PLA2G4D: variants seen among roughly 807,000 people sequenced by gnomAD.
PLA2G4D encodes the protein cytosolic phospholipase A2 delta.
In PLA2G4D, 80 loss-of-function variants were observed where a neutral mutation model predicts 94.4. That is an observed-to-expected ratio of 0.85 (90% CI 0.71 to 1.02). PLA2G4D has a LOEUF of 1.02. Among genes scored for constraint, PLA2G4D ranks in the 50% least tolerant of loss-of-function variants. The probability of loss-of-function intolerance (pLI) is 0.00; values close to 1 mark genes in which losing one functional copy is unlikely to be tolerated. For synonymous variants in PLA2G4D, 438 were observed against 440.9 expected (o/e 0.99, Z 0.08); for missense variants, 1,050 against 1,034.7 (o/e 1.01, Z -0.20).
chr15:42,086,489 T>C (rs1890152485), intron 3 of PLA2G4D, 145 bp from the exon 4 acceptor site: 19 of 755,458 alleles, frequency 2.5e-5, no homozygotes, highest in Non-Finnish European at 2.9e-5. Flanking sequence ...AAAAAAACTG[T>C]AAAACTTAAA....
At position 42,084,493 on chromosome 15, in the gene PLA2G4D, C is replaced by T. The variant is rs1308894692; in HGVS notation, c.471+603G>A. ...GGTGCCTTCGCCCGTGACCCTGGAC[C>T]CGCCTGCTCCCAGGTCTGTGCTGCT... On this transcript the variant is annotated intron_variant, in intron 6 of 19. Transcript: ENST00000290472. The surrounding 1 kb of genome is among the most constrained non-coding windows in gnomAD (Gnocchi z 4.8). 1.3e-5 allele frequency among the ~76,000 whole-genome samples: 2 copies of T among 152,196 alleles called. No individual in the cohort carries two copies. Among genetic ancestry groups the T allele is most frequent in the Non-Finnish European group, 2.9e-5 (2 of 68,044 alleles).
chr15:42,087,280 C>T lies in PLA2G4D; in HGVS notation c.255+20G>A, dbSNP rs766382181. 1 of 1,613,882 alleles carries T rather than the reference C, an allele frequency of 6.2e-7. No individual in the cohort carries two copies. The highest frequency in any genetic ancestry group is 1.1e-5 in the South Asian group (1 of 91,080). On this transcript the variant is annotated intron_variant, in intron 3 of 19. Transcript: ENST00000290472. ...TCCAGCCCGTTCACAAGGGAGTGGCCAGGAGTCCCGGGCCTTCACCTTGAC... is the reference window on the plus strand; with the variant it reads ...TCCAGCCCGTTCACAAGGGAGTGGCTAGGAGTCCCGGGCCTTCACCTTGAC...
chr15:42,093,415 A>G (rs1890279952), intron 1 of PLA2G4D, among the ~76,000 whole-genome samples: 2 of 152,220 alleles, frequency 1.3e-5, no homozygotes, highest in Non-Finnish European at 1.5e-5. Flanking sequence ...GAAATATTCC[A>G]GAAGCCTCCA....
intron 9 of PLA2G4D, 81 bp downstream of exon 9, chr15:42,082,198 C>G (rs1180051729): frequency 8.0e-7 from 1 of 1,247,000 alleles, no homozygotes; most frequent in Admixed American, 1.9e-5. Context: ...TCCCAAAGTG[C>G]TGGGATTACA....
chr15:42,069,803 T>A (rs12906047), intron 19 of PLA2G4D, 106 bp downstream of exon 19: 7 of 1,074,644 alleles, frequency 6.5e-6, no homozygotes, highest in Non-Finnish European at 8.8e-6. Context: ...GCCTGAAGCC[T>A]TCTCCTGGCA....
chr15:42,090,803 G>A (rs535547746), intron 1 of PLA2G4D, among the ~76,000 whole-genome samples: 55 of 152,328 alleles, frequency 3.6e-4, no homozygotes, highest in African/African-American at 1.3e-3. Context: ...CCAGGGAGAT[G>A]AGTTGACAAG....
intron 18 of PLA2G4D, 115 bp from the exon 19 acceptor site, chr15:42,070,210 T>C (rs1053847000): frequency 1.8e-6 from 2 of 1,102,530 alleles, no homozygotes; most frequent in East Asian, 6.4e-5. Context: ...TCTGTCCTGT[T>C]TGTGGTCGGG....
At chr15:42,086,461 C>A in intron 3 of PLA2G4D, 117 bp from the exon 4 acceptor site, 3 of 934,844 alleles carry the variant, frequency 3.2e-6, no homozygotes, top group Non-Finnish European at 4.9e-6. Context: ...CACCACACGT[C>A]TGCGCTTCAA....
chr15:42,090,661 G>A (rs1476290809), intron 1 of PLA2G4D, among the ~76,000 whole-genome samples: 3 of 152,176 alleles, frequency 2.0e-5, no homozygotes, highest in African/African-American at 4.8e-5. Flanking sequence ...GTGAATGCCG[G>A]CTGGAGGTGA....
At chr15:42,093,163 C>A (rs1033502115) in intron 1 of PLA2G4D, among the ~76,000 whole-genome samples, 1 of 152,206 alleles carries the variant, frequency 6.6e-6, no homozygotes, top group South Asian at 2.1e-4. Flanking sequence ...TAGGCTAAAC[C>A]GCTGCTGAAG....
chr15:42,086,194 T>TGGGGGGGGGGCGCC lies in PLA2G4D; in HGVS notation c.387+18_387+19insGGCGCCCCCCCCCC. On this transcript the variant is annotated intron_variant, in intron 4 of 19. Coordinates refer to ENST00000290472, the MANE Select transcript of PLA2G4D (RefSeq NM_178034.4). ...GGAAGAAGTGGGGCCCACGGGGACTTCCCCACCCACCCACCCACCTGGGGA... is the reference window on the plus strand; with the variant it reads ...GGAAGAAGTGGGGCCCACGGGGACTTGGGGGGGGGGCGCCCCCCACCCACCCACCCACCTGGGGA... The TGGGGGGGGGGCGCC allele has an allele frequency of 1.1e-5, 15 of 1,370,434 alleles. No individual in the cohort carries two copies. The highest frequency in any genetic ancestry group is 1.4e-5 in the Non-Finnish European group (15 of 1,043,076). The allele number at this position is 1,370,434 out of a possible 1,614,324, so 84.9% of individuals were successfully genotyped here. A position where few individuals can be genotyped will look rare whatever the true frequency, so the allele number is the denominator to read the frequency against.
chr15:42,086,194 T>TGGGGC lies in PLA2G4D; in HGVS notation c.387+18_387+19insGCCCC. 2 of 1,370,440 alleles carry TGGGGC rather than the reference T, an allele frequency of 1.5e-6. No individual in the cohort carries two copies. The highest frequency in any genetic ancestry group is 1.9e-6 in the Non-Finnish European group (2 of 1,043,080). 84.9% of individuals were successfully genotyped at this position (1,370,440 alleles called of 1,614,324 possible). ...GGAAGAAGTGGGGCCCACGGGGACTTCCCCACCCACCCACCCACCTGGGGA... is the reference window on the plus strand; with the variant it reads ...GGAAGAAGTGGGGCCCACGGGGACTTGGGGCCCCCACCCACCCACCCACCTGGGGA... On this transcript the variant is annotated intron_variant, in intron 4 of 19. Coordinates refer to ENST00000290472, the MANE Select transcript of PLA2G4D (RefSeq NM_178034.4).
At chr15:42,085,283 G>T in intron 5 of PLA2G4D, 145 bp from the exon 6 acceptor site, 1 of 1,060,572 alleles carries the variant, frequency 9.4e-7, no homozygotes, top group Non-Finnish European at 1.4e-6. Flanking sequence ...TGCAGGAGGA[G>T]AGGGGAGGGG....
Position 42,086,194 on chromosome 15 carries a change from T to TTGGGGGGGGGGGGGGGGGGCG in PLA2G4D, c.387+18_387+19insCGCCCCCCCCCCCCCCCCCCA. 2 of 1,370,442 alleles carry TTGGGGGGGGGGGGGGGGGGCG rather than the reference T, an allele frequency of 1.5e-6. No individual in the cohort carries two copies. The highest frequency in any genetic ancestry group is 9.6e-7 in the Non-Finnish European group (1 of 1,043,082). 84.9% of individuals were successfully genotyped at this position (1,370,442 alleles called of 1,614,324 possible). A position where few individuals can be genotyped will look rare whatever the true frequency, so the allele number is the denominator to read the frequency against. On this transcript the variant is annotated intron_variant, in intron 4 of 19. Transcript: ENST00000290472. ...GGAAGAAGTGGGGCCCACGGGGACT[T>TTGGGGGGGGGGGGGGGGGGCG]CCCCACCCACCCACCCACCTGGGGA...
At chr15:42,079,910 C>T (rs971423832) in intron 12 of PLA2G4D, 151 bp from the exon 13 acceptor site, 5 of 657,722 alleles carry the variant, frequency 7.6e-6, no homozygotes, top group Admixed American at 3.5e-5. Flanking sequence ...GCTTTCTCTC[C>T]TTCTAGATCA....
At chr15:42,093,672 C>G (rs930881248) in intron 1 of PLA2G4D, among the ~76,000 whole-genome samples, 3 of 152,216 alleles carry the variant, frequency 2.0e-5, no homozygotes, top group Non-Finnish European at 4.4e-5. Flanking sequence ...CTTCCAGGAG[C>G]ACCAGTCTGG....
In PLA2G4D at chr15:42,084,215, G is replaced by A. The variant is rs1173667177; in HGVS notation, c.472-436C>T. Among the ~76,000 whole-genome samples, 1 of 152,114 alleles carries A rather than the reference G, an allele frequency of 6.6e-6. No homozygotes were observed. The highest frequency in any genetic ancestry group is 2.4e-5 in the African/African-American group (1 of 41,422). ...GAACGTCTCCTGGCTGTCCTCTGTG[G>A]CCTAACTGGGGGACAATGACAAGGC... is the stretch of plus-strand genomic sequence containing the variant. On this transcript the variant is annotated intron_variant, in intron 6 of 19. Transcript: ENST00000290472. The surrounding 1 kb of genome is among the most constrained non-coding windows in gnomAD (Gnocchi z 4.8).
chr15:42,087,595 G>T lies in PLA2G4D; in HGVS notation c.118+33C>A, dbSNP rs1050587333. 3 of 1,613,320 alleles carry T rather than the reference G, an allele frequency of 1.9e-6. No individual in the cohort carries two copies. In the South Asian group the frequency reaches 3.3e-5, roughly 18 times the overall value. ...CTTCCTATGGGATCTGGTCCTCCCT[G>T]CTCCCGACAGAGCGCACAGGGCGGT... is the stretch of plus-strand genomic sequence containing the variant. On this transcript the variant is annotated intron_variant, in intron 2 of 19. Coordinates refer to ENST00000290472, the MANE Select transcript of PLA2G4D (RefSeq NM_178034.4).
At position 42,084,998 on chromosome 15, in the gene PLA2G4D, C is replaced by T; in HGVS notation, c.471+98G>A. 2 of 1,402,088 alleles carry T rather than the reference C, an allele frequency of 1.4e-6. No individual in the cohort carries two copies. Among genetic ancestry groups the T allele is most frequent in the Non-Finnish European group, 2.0e-6 (2 of 995,630 alleles). 86.9% of individuals were successfully genotyped at this position (1,402,088 alleles called of 1,614,324 possible). On this transcript the variant is annotated intron_variant, in intron 6 of 19. Transcript: ENST00000290472. The surrounding 1 kb of genome is among the most constrained non-coding windows in gnomAD (Gnocchi z 4.8). ...GGTGGTTTTACCACGAAGCCCTGCC[C>T]CTTCCTTGTCCCTGCTGGTCCACAC...
Sources: allele counts gnomAD v4.1 joint callset (sites outside exome capture counted in the v4.1 genomes callset), GRCh38; gene constraint gnomAD v4.1.1; non-coding constraint Gnocchi (gnomAD v3.1); transcripts MANE v1.5; gene names NCBI Gene and HGNC (gene_info 2026-07-23, HGNC 2026-07-21).